TEX9: variants seen among roughly 807,000 people sequenced by gnomAD.
TEX9 encodes the protein testis-expressed protein 9.
In TEX9, 74 loss-of-function variants were observed where a neutral mutation model predicts 59.6. The observed-to-expected ratio is 1.24, with a 90% confidence interval of 1.03 to 1.51. The LOEUF is 1.51. Ranked by LOEUF, TEX9 falls within the 40% of genes most tolerant of loss-of-function variation. The probability of loss-of-function intolerance (pLI) is 0.00; values close to 1 mark genes in which losing one functional copy is unlikely to be tolerated. For synonymous variants in TEX9, 186 were observed against 152.2 expected, an observed-to-expected ratio of 1.22 and a Z score of -1.64; for missense variants, 522 against 447.8, an observed-to-expected ratio of 1.17 and a Z score of -1.49.
At chr15:56,301,916 G>A (rs1471371413) in intron 1 of TEX9, among the ~76,000 whole-genome samples, 2 of 152,108 alleles carry the variant, frequency 1.3e-5, no homozygotes, top group Non-Finnish European at 2.9e-5. Context: ...TTGTAATTGT[G>A]TGTAAACTAC....
intron 10 of TEX9, among the ~76,000 whole-genome samples, chr15:56,420,996 T>G (rs2049951683): frequency 1.3e-5 from 2 of 151,890 alleles, no homozygotes; most frequent in Non-Finnish European, 2.9e-5. Flanking sequence ...TCATGTGCCC[T>G]TGATAGGAAT....
At chr15:56,252,111 C>T (rs562852866) in intron 1 of TEX9, among the ~76,000 whole-genome samples, 1 of 152,280 alleles carries the variant, frequency 6.6e-6, no homozygotes, top group Non-Finnish European at 1.5e-5. Context: ...CCTACCCACT[C>T]CCAGCCAGTT....
At chr15:56,449,289 G>A (rs1319402642), downstream of TEX9, among the ~76,000 whole-genome samples, 3 of 145,190 alleles carry the variant, frequency 2.1e-5, no homozygotes, top group African/African-American at 8.3e-5. Flanking sequence ...TAATGTTGCT[G>A]TAAATTCCCT....
chr15:56,272,580 A>T (rs2044561801), intron 1 of TEX9, among the ~76,000 whole-genome samples: 1 of 152,144 alleles, frequency 6.6e-6, no homozygotes, highest in South Asian at 2.1e-4. Context: ...ATTCATGTAC[A>T]GCTTTTTGTG....
chr15:56,379,256 A>T (rs534178929), intron 3 of TEX9, among the ~76,000 whole-genome samples: 1 of 152,174 alleles, frequency 6.6e-6, no homozygotes, highest in East Asian at 1.9e-4. Flanking sequence ...TGTTTTCATT[A>T]TCATTTGTTT....
chr15:56,290,822 A>G (rs1171431854), intron 1 of TEX9, among the ~76,000 whole-genome samples: 3 of 150,136 alleles, frequency 2.0e-5, no homozygotes, highest in African/African-American at 7.4e-5. Flanking sequence ...GTGTTGCTGC[A>G]GATTCTTTAA....
intron 1 of TEX9, among the ~76,000 whole-genome samples, chr15:56,358,765 G>A (rs1292576876): frequency 6.6e-6 from 1 of 152,066 alleles, no homozygotes; most frequent in Admixed American, 6.6e-5. Flanking sequence ...AGAGAGAGAC[G>A]TGGTGGGAGG....
intron 12 of TEX9, among the ~76,000 whole-genome samples, chr15:56,441,504 G>T (rs1174888531): frequency 1.3e-5 from 2 of 152,054 alleles, no homozygotes; most frequent in African/African-American, 4.8e-5. Context: ...ACCTGGCAAA[G>T]ATTTCATGAT....
chr15:56,271,354 A>G (rs1024968391), intron 1 of TEX9, among the ~76,000 whole-genome samples: 53 of 151,934 alleles, frequency 3.5e-4, no homozygotes, highest in African/African-American at 1.2e-3. Context: ...TTTTTTCTCT[A>G]AACTTCTCTT....
At chr15:56,340,379 A>G (rs1325690424) in intron 1 of TEX9, among the ~76,000 whole-genome samples, 1 of 152,204 alleles carries the variant, frequency 6.6e-6, no homozygotes, top group Admixed American at 6.5e-5. Flanking sequence ...AACAATCATG[A>G]TAATACATCA....
At chr15:56,456,070 G>A in the TEX9 span, among the ~76,000 whole-genome samples, 1 of 152,034 alleles carries the variant, frequency 6.6e-6, no homozygotes, top group South Asian at 2.1e-4. Context: ...TTATGTAGAG[G>A]TATAAAATTA....
intron 1 of TEX9, among the ~76,000 whole-genome samples, chr15:56,246,041 C>T (rs775521795): frequency 6.6e-6 from 1 of 152,162 alleles, no homozygotes; most frequent in African/African-American, 2.4e-5. Flanking sequence ...TATCTAAGGT[C>T]TGCCAAAGGC....
In TEX9 at chr15:56,283,769, A is replaced by G. The variant is rs567858798; in HGVS notation, c.-107+39491A>G. ...GTATTTACCCCCCCTTCAAAAAACC[A>G]TAGTTAAAATTAAGAGACAAACATA... On this transcript the variant is annotated intron_variant, in intron 1 of 5. Transcript: ENST00000560827. Among the ~76,000 whole-genome samples, 9 of 152,306 alleles carry G rather than the reference A, an allele frequency of 5.9e-5. No individual in the cohort carries two copies. In the South Asian group the frequency reaches 1.4e-3, roughly 25 times the overall value.
chr15:56,270,890 A>G (rs1018718823), intron 1 of TEX9, among the ~76,000 whole-genome samples: 1 of 152,178 alleles, frequency 6.6e-6, no homozygotes, highest in Non-Finnish European at 1.5e-5. Flanking sequence ...TCCTTCACTT[A>G]TGAAGCTTAA....
At position 56,358,134 on chromosome 15, in the gene TEX9, C is replaced by T. The variant is rs149198040; in HGVS notation, c.-106-15307C>T. Among the ~76,000 whole-genome samples the T allele has an allele frequency of 6.0e-4, 91 of 152,256 alleles. 1 individual carries two copies. Among genetic ancestry groups the T allele is most frequent in the Middle Eastern group, 3.4e-3 (1 of 294 alleles). ...TAGATTAGCACAGAGGTCTCAGATT[C>T]AGCTCTTCCATATTGCTGTTGATGT... On this transcript the variant is annotated intron_variant, in intron 1 of 5. Coordinates refer to the TEX9 transcript ENST00000560827.
rs552465843 is a variant in TEX9 at position 56,406,438 on chromosome 15, C to G, written c.829-5864C>G. Among the ~76,000 whole-genome samples the G allele has an allele frequency of 2.6e-4, 39 of 152,214 alleles. 1 individual carries two copies. In the South Asian group the frequency reaches 8.1e-3, roughly 32 times the overall value. On this transcript the variant is annotated intron_variant, in intron 9 of 12. Transcript: ENST00000352903. ...TCCATGTACAAGTATTCTGTGTGAA[C>G]ACGTTTTTATGTATACCAAATACTT...
intron 4 of TEX9, among the ~76,000 whole-genome samples, chr15:56,387,782 G>A (rs1567114912): frequency 6.6e-6 from 1 of 151,888 alleles, no homozygotes; most frequent in African/African-American, 2.4e-5. Context: ...TAACTTTAAG[G>A]TTGTAGTGTG....
chr15:56,414,166 T>C (rs2049546345), intron 10 of TEX9, among the ~76,000 whole-genome samples: 1 of 151,842 alleles, frequency 6.6e-6, no homozygotes, highest in Non-Finnish European at 1.5e-5. Flanking sequence ...TTGTATTAGT[T>C]CACATATTAA....
At chr15:56,262,026 T>C (rs2044280911) in intron 1 of TEX9, among the ~76,000 whole-genome samples, 1 of 152,184 alleles carries the variant, frequency 6.6e-6, no homozygotes, top group Admixed American at 6.5e-5. Context: ...GGAGTCATTC[T>C]GCTACACAAC....
Sources: gnomAD v4.1 joint callset for allele counts (sites outside exome capture counted in the v4.1 genomes callset) on GRCh38, gnomAD v4.1.1 for gene constraint, MANE v1.5 for transcripts, NCBI Gene and HGNC (gene_info 2026-07-23, HGNC 2026-07-21) for gene names.